The following ABL1 variants were observed in gnomAD, a reference collection of about 807,000 sequenced individuals.
ABL1 encodes tyrosine-protein kinase ABL1.
In ABL1, 11 loss-of-function variants were observed where a neutral mutation model predicts 94.7. The ratio of observed to expected loss-of-function variants is 0.12; its 90% CI spans 0.07 to 0.19. The LOEUF is 0.19. ABL1 is among the 10% of genes least tolerant of loss of function. The pLI, the probability that ABL1 is intolerant of heterozygous loss-of-function variation, is 1.00. For synonymous variants in ABL1, 656 were observed against 622.4 expected (o/e 1.05, Z -0.80); for missense variants, 1,082 against 1,489.4 (o/e 0.73, Z 4.50).
chr9:130,870,052 G>A (rs1191905932), intron 4 of ABL1, among the ~76,000 whole-genome samples: 1 of 152,192 alleles, frequency 6.6e-6, no homozygotes, highest in East Asian at 1.9e-4. Context: ...CCGGAACTCA[G>A]GTGATCCACC....
intron 1 of ABL1, among the ~76,000 whole-genome samples, chr9:130,736,241 C>T (rs1325483571): frequency 6.6e-6 from 1 of 151,958 alleles, no homozygotes; most frequent in Non-Finnish European, 1.5e-5. Flanking sequence ...TGAGCCACCA[C>T]ACCTGGCCTG....
intron 1 of ABL1, among the ~76,000 whole-genome samples, chr9:130,788,168 T>C (rs1829856157): frequency 6.6e-6 from 1 of 152,212 alleles, no homozygotes; most frequent in Non-Finnish European, 1.5e-5. Context: ...ACATCCACCA[T>C]TGGTTTAAGT....
chr9:130,814,733 C>T lies in ABL1; in HGVS notation c.137-39331C>T, dbSNP rs952059979. Reference sequence around the variant, plus strand: ...TCCACTAAAAATACAAAAAATTCTCCGGGCGTGGTGGCGGGCGCCTGTAGT... The same window carrying T: ...TCCACTAAAAATACAAAAAATTCTCTGGGCGTGGTGGCGGGCGCCTGTAGT... On this transcript the variant is annotated intron_variant, in intron 1 of 10. Transcript: ENST00000372348. The surrounding 1 kb of genome is among the most constrained non-coding windows in gnomAD (Gnocchi z 4.4). 2.0e-5 allele frequency among the ~76,000 whole-genome samples: 3 copies of T among 151,762 alleles called. No homozygotes were observed. The highest frequency in any genetic ancestry group is 2.0e-4 in the East Asian group (1 of 5,126).
At chr9:130,818,272 C>T (rs989080700) in intron 1 of ABL1, among the ~76,000 whole-genome samples, 1 of 152,140 alleles carries the variant, frequency 6.6e-6, no homozygotes, top group Non-Finnish European at 1.5e-5. Flanking sequence ...GAGATTGAGA[C>T]CAGCTTGGCC....
chr9:130,869,092 G>A (rs1400242267), intron 4 of ABL1, among the ~76,000 whole-genome samples: 1 of 151,980 alleles, frequency 6.6e-6, no homozygotes, highest in Non-Finnish European at 1.5e-5. Flanking sequence ...GTGTGAACCT[G>A]GGAGGCGGAG....
At chr9:130,828,675 C>T (rs999508397) in intron 1 of ABL1, among the ~76,000 whole-genome samples, 2 of 151,850 alleles carry the variant, frequency 1.3e-5, no homozygotes, top group Non-Finnish European at 2.9e-5. Context: ...CCATTGCACT[C>T]CTGCCTGGGC....
rs1433850226 is a variant in ABL1 at position 130,862,825 on chromosome 9, G to A, written c.612G>A (p.Thr204=). Residue 204 remains threonine, a synonymous_variant, in exon 4 of 11, where the codon ACG becomes ACA. Transcript: ENST00000318560. This position sits in a 1 kb window ranked among gnomAD's most constrained non-coding sequence, Gnocchi z 5.5. The stretch of plus-strand genomic sequence containing the variant: ...CCGAGTTGGTTCATCATCATTCAAC[G>A]GTGGCCGACGGGCTCATCACCACGC... The part of the protein sequence containing the change: ...TLAELVHHHS[T]VADGLITTLH... 9.3e-6 allele frequency: 15 copies of A among 1,613,766 alleles called. No individual in the cohort carries two copies. The highest frequency in any genetic ancestry group is 1.3e-5 in the African/African-American group (1 of 74,812).
At chr9:130,859,875 T>C (rs922310056) in intron 3 of ABL1, among the ~76,000 whole-genome samples, 2 of 151,918 alleles carry the variant, frequency 1.3e-5, no homozygotes, top group African/African-American at 4.8e-5. Flanking sequence ...GAGATGGGGT[T>C]TCACCATGTT....
intron 1 of ABL1, among the ~76,000 whole-genome samples, chr9:130,717,017 C>T (rs1831451634): frequency 6.6e-6 from 1 of 152,056 alleles, no homozygotes; most frequent in Non-Finnish European, 1.5e-5. Flanking sequence ...TTTGGAAGAT[C>T]TACATAAATC....
chr9:130,865,308 G>A (rs932764018), intron 4 of ABL1, among the ~76,000 whole-genome samples: 26 of 152,326 alleles, frequency 1.7e-4, no homozygotes, highest in African/African-American at 6.0e-4. Context: ...CTTTCTGGAA[G>A]TGTGTTAACT....
At chr9:130,823,021 C>T (rs1246891844) in intron 1 of ABL1, among the ~76,000 whole-genome samples, 1 of 152,122 alleles carries the variant, frequency 6.6e-6, no homozygotes, top group Non-Finnish European at 1.5e-5. Context: ...GGGTCTCAAA[C>T]TACTGACCTC....
chr9:130,859,834 G>C (rs940144211), intron 3 of ABL1, among the ~76,000 whole-genome samples: 12 of 151,732 alleles, frequency 7.9e-5, no homozygotes, highest in Middle Eastern at 3.4e-3. Flanking sequence ...GTGCCCACCA[G>C]CATGCCCGGC....
rs536642954 is a variant in ABL1 at position 130,863,157 on chromosome 9, G to A, written c.822+122G>A. Reference sequence around the variant, plus strand: ...TGTCCGAGGGCTTCATTGGCGCCACGGAATTGACTTTTCCGTCTTATATCA... The same window carrying A: ...TGTCCGAGGGCTTCATTGGCGCCACAGAATTGACTTTTCCGTCTTATATCA... On this transcript the variant is annotated intron_variant, in intron 4 of 10. Transcript: ENST00000318560. The surrounding 1 kb of genome is among the most constrained non-coding windows in gnomAD (Gnocchi z 4.3). 20 of 1,172,950 alleles carry A rather than the reference G, an allele frequency of 1.7e-5. No individual in the cohort carries two copies. In the South Asian group the frequency reaches 1.8e-4, roughly 10 times the overall value. The allele number at this position is 1,172,950 out of a possible 1,614,324, so 72.7% of individuals were successfully genotyped here.
chr9:130,744,822 A>C (rs1449448717), intron 1 of ABL1, among the ~76,000 whole-genome samples: 1 of 146,842 alleles, frequency 6.8e-6, no homozygotes, highest in Admixed American at 7.0e-5. Context: ...GCACCACTGC[A>C]CTCCAGCCTG....
At chr9:130,857,632 A>G (rs1355364192) in intron 3 of ABL1, among the ~76,000 whole-genome samples, 1 of 142,096 alleles carries the variant, frequency 7.0e-6, no homozygotes, top group African/African-American at 2.7e-5. Context: ...TACCTTTTTA[A>G]CTTTTTTTTT....
chr9:130,721,235 C>A (rs11788172), intron 1 of ABL1, among the ~76,000 whole-genome samples: 31 of 151,648 alleles, frequency 2.0e-4, no homozygotes, highest in South Asian at 6.3e-4. Flanking sequence ...AAAAATTAGT[C>A]GGCATGGTGG....
intron 1 of ABL1, among the ~76,000 whole-genome samples, chr9:130,843,049 G>C (rs1830700870): frequency 6.6e-6 from 1 of 152,182 alleles, no homozygotes; most frequent in Non-Finnish European, 1.5e-5. Context: ...GGTTGCATTT[G>C]TTTTTCAACT....
chr9:130,746,685 G>A (rs1831892876), intron 1 of ABL1, among the ~76,000 whole-genome samples: 1 of 151,900 alleles, frequency 6.6e-6, no homozygotes, highest in Admixed American at 6.6e-5. Flanking sequence ...CATCTGTTGA[G>A]GATGTGTTTG....
chr9:130,869,813 TTTG>T (rs1168895772), intron 4 of ABL1, among the ~76,000 whole-genome samples: 3 of 152,014 alleles, frequency 2.0e-5, no homozygotes, highest in African/African-American at 4.8e-5. Context: ...CGTAGGCTGT[TTTG>T]TTGTTGTTGT....
Sources: allele counts gnomAD v4.1 joint callset (sites outside exome capture counted in the v4.1 genomes callset), GRCh38; gene constraint gnomAD v4.1.1; non-coding constraint Gnocchi (gnomAD v3.1); transcripts MANE v1.5; gene names NCBI Gene and HGNC (gene_info 2026-07-23, HGNC 2026-07-21).